The following ZNF623 variants were observed in gnomAD, a reference collection of about 807,000 sequenced individuals.
ZNF623 encodes zinc finger protein 623.
Under a neutral mutation model 24.0 loss-of-function variants are expected in ZNF623, and 16 were observed. The observed-to-expected ratio is 0.67, with a 90% CI of 0.45 to 1.01. The LOEUF (loss-of-function observed/expected upper bound fraction) is 1.01. Ranked by LOEUF, ZNF623 falls within the 50% of genes least tolerant of loss-of-function variation. ZNF623 has a pLI of 0.00. For missense variants in ZNF623, 566 were observed against 606.5 expected (o/e 0.93, Z 0.70); for synonymous variants, 224 against 219.8 (o/e 1.02, Z -0.17).
chr8:143,648,459 C>T lies in ZNF623; in HGVS notation c.-95-1439C>T, dbSNP rs189744851. Among the ~76,000 whole-genome samples the T allele has an allele frequency of 5.1e-3, 772 of 151,642 alleles. 5 individuals are homozygous for T. Among genetic ancestry groups the T allele is most frequent in the African/African-American group, 0.017 (719 of 41,328 alleles). The stretch of plus-strand genomic sequence containing the variant: ...GGAAGGAGGAAATGGAGAAATCGAG[C>T]GTGGGGTGGGGGCTCTTTGAATGGG... On this transcript the variant is annotated intron_variant, in intron 1 of 1. Transcript: ENST00000526926.
In ZNF623 at chr8:143,651,542, G is replaced by T. The variant is rs946078996; in HGVS notation, c.*59G>T. ...GGAAATGCGTGGAATTAGGATTCAT[G>T]TGGTTTCTAAGATTTGGACATGTCA... On this transcript the variant is annotated 3_prime_UTR_variant, in exon 2 of 2. Coordinates refer to ENST00000526926, the MANE Select transcript of ZNF623 (RefSeq NM_001261843.2). 2 of 1,519,000 alleles carry T rather than the reference G, an allele frequency of 1.3e-6. No individual in the cohort carries two copies. The highest frequency in any genetic ancestry group is 1.8e-6 in the Non-Finnish European group (2 of 1,134,988). The allele number at this position is 1,519,000 out of a possible 1,614,324, so 94.1% of individuals were successfully genotyped here.
At position 143,653,393 on chromosome 8, in the gene ZNF623, G is replaced by A. The variant is rs1815383877; in HGVS notation, c.*1910G>A. The A allele has an allele frequency of 6.0e-6, 1 of 167,066 alleles. No homozygotes were observed. Among genetic ancestry groups the A allele is most frequent in the Non-Finnish European group, 1.5e-5 (1 of 68,116 alleles). 10.3% of individuals were successfully genotyped at this position (167,066 alleles called of 1,614,324 possible). A position where few individuals can be genotyped will look rare whatever the true frequency, so the allele number is the denominator to read the frequency against. ...CAGCATTACTAGAGATGTTTCAAATGTAGATTTTACCAGACCATTTTAATC... is the reference window on the plus strand; with the variant it reads ...CAGCATTACTAGAGATGTTTCAAATATAGATTTTACCAGACCATTTTAATC... On this transcript the variant is annotated 3_prime_UTR_variant, in exon 2 of 2. Coordinates refer to ENST00000526926, the MANE Select transcript of ZNF623 (RefSeq NM_001261843.2).
At chr8:143,645,127 T>G (rs1214407439) in intron 1 of ZNF623, among the ~76,000 whole-genome samples, 2 of 84,756 alleles carry the variant, frequency 2.4e-5, no homozygotes, top group Non-Finnish European at 3.8e-5. Context: ...AAACTCCATC[T>G]CAAAAAAAAA....
At position 143,650,693 on chromosome 8, in the gene ZNF623, G is replaced by A. The variant is rs1815283283; in HGVS notation, c.701G>A (p.Arg234Lys). 3.7e-6 allele frequency: 6 copies of A among 1,613,954 alleles called. No homozygotes were observed. Among genetic ancestry groups the A allele is most frequent in the Non-Finnish European group, 5.1e-6 (6 of 1,180,010 alleles). Residue 234 changes from arginine (R) to lysine (K), a missense_variant, in exon 2 of 2, where the codon AGG becomes AAG. This residue lies in a region of ZNF623 where 313 missense variants were observed against 300.4 expected (regional missense o/e 1.04). Transcript: ENST00000526926. This position sits in a 1 kb window ranked among gnomAD's most constrained non-coding sequence, Gnocchi z 5.2. Reference protein sequence around the residue: ...ECNECGKSFIRSSSLIRHYQI... With the variant: ...ECNECGKSFIKSSSLIRHYQI... ...AATGAATGTGGGAAATCCTTCATAA[G>A]GAGCTCGAGCCTCATTCGCCATTAT...
In ZNF623 at chr8:143,651,477, CTT is replaced by C. The variant is rs779806400; in HGVS notation, c.1486_1487del (p.Leu496IlefsTer3). 3 of 1,558,336 alleles carry C rather than the reference CTT, an allele frequency of 1.9e-6. No homozygotes were observed. The African/African-American group carries it at 4.1e-5, about 22-fold the overall frequency. On this transcript the variant is annotated frameshift_variant, in exon 2 of 2. Transcript: ENST00000526926. LOFTEE classifies it high-confidence loss of function. Reference protein sequence around the residue: ...SVDKGEHTGNL With the variant: ...SVDKGEHTGNX ...TAGATAAGGGGGAACACACAGGTAA[CTT>C]ATAAAATAATTACTTTCCCGCCCAG...
chr8:143,642,560 C>A (rs10107353), intron 1 of ZNF623, among the ~76,000 whole-genome samples: 7 of 152,014 alleles, frequency 4.6e-5, no homozygotes, highest in Non-Finnish European at 8.8e-5. Context: ...TTAGACATGC[C>A]TTCCTCACAA....
Position 143,650,872 on chromosome 8 carries a change from C to CT in ZNF623, c.881dup (p.Ile295HisfsTer17). The CT allele has an allele frequency of 6.2e-7, 1 of 1,614,150 alleles. No homozygotes were observed. Among genetic ancestry groups the CT allele is most frequent in the Non-Finnish European group, 8.5e-7 (1 of 1,180,034 alleles). On this transcript the variant is annotated frameshift_variant, in exon 2 of 2. Transcript: ENST00000526926. LOFTEE classifies it high-confidence loss of function. This position sits in a 1 kb window ranked among gnomAD's most constrained non-coding sequence, Gnocchi z 5.2. ...GAAAGCCTTTATTCGGAGTTCAAAG[C>CT]TCATTCAGCATCAGAGGATCCATAC... is the stretch of plus-strand genomic sequence containing the variant.
At chr8:143,644,979 T>C (rs918223443) in intron 1 of ZNF623, among the ~76,000 whole-genome samples, 1 of 149,932 alleles carries the variant, frequency 6.7e-6, no homozygotes, top group African/African-American at 2.5e-5. Flanking sequence ...AAATACAAAA[T>C]TAGCTGGGTG....
rs772935911 is a variant in ZNF623 at position 143,651,007 on chromosome 8, G to A, written c.1015G>A (p.Glu339Lys). Residue 339 changes from glutamate to lysine, a missense_variant, in exon 2 of 2, where the codon GAG (glutamate) becomes AAG (lysine). Coordinates refer to ENST00000526926, the MANE Select transcript of ZNF623 (RefSeq NM_001261843.2). ...TGGAGAGAAACTCTATGAATGTAAC[G>A]AGTGTGGGAAAGCTTTCTTTCTGAG... is the stretch of plus-strand genomic sequence containing the variant. ...HTGEKLYECN[E>K]CGKAFFLSSY... 5.6e-6 allele frequency: 9 copies of A among 1,614,014 alleles called. No individual in the cohort carries two copies. Among genetic ancestry groups the A allele is most frequent in the African/African-American group, 2.7e-5 (2 of 74,904 alleles).
chr8:143,638,114 G>T (rs1308033224), intron 1 of ZNF623, among the ~76,000 whole-genome samples: 3 of 152,008 alleles, frequency 2.0e-5, no homozygotes, highest in South Asian at 2.1e-4. Context: ...CTCTAGAGGC[G>T]GGCAGATCAT....
intron 1 of ZNF623, 182 bp from the exon 2 acceptor site, chr8:143,649,716 C>A: frequency 1.5e-6 from 1 of 674,708 alleles, no homozygotes; most frequent in Non-Finnish European, 2.5e-6. Flanking sequence ...CACAAAGAAG[C>A]CATCTTATGT....
intron 1 of ZNF623, among the ~76,000 whole-genome samples, chr8:143,641,055 C>T (rs2131441587): frequency 6.7e-6 from 1 of 150,098 alleles, no homozygotes; most frequent in African/African-American, 2.4e-5. Flanking sequence ...ATCTAGCTCT[C>T]TTGCTATTTT....
At chr8:143,640,076 G>A (rs1026112140) in intron 1 of ZNF623, among the ~76,000 whole-genome samples, 6 of 152,184 alleles carry the variant, frequency 3.9e-5, no homozygotes, top group Non-Finnish European at 5.9e-5. Flanking sequence ...CCACACATGG[G>A]GATGTGCCAG....
chr8:143,650,391 C>T lies in ZNF623; in HGVS notation c.399C>T (p.His133=). The T allele has an allele frequency of 1.2e-6, 2 of 1,614,222 alleles. No homozygotes were observed. Among genetic ancestry groups the T allele is most frequent in the Non-Finnish European group, 1.7e-6 (2 of 1,180,044 alleles). The change falls in exon 2 of 2, where the codon CAC becomes CAT. Residue 133 remains histidine, a synonymous_variant. Transcript: ENST00000526926. The surrounding 1 kb of genome is among the most constrained non-coding windows in gnomAD (Gnocchi z 5.2). ...ACCTTATGGAGCATCAGAGAATTCACACTGGAGAGAGACTCTACGTCTGTA... is the reference window on the plus strand; with the variant it reads ...ACCTTATGGAGCATCAGAGAATTCATACTGGAGAGAGACTCTACGTCTGTA... ...SSHLMEHQRI[H]TGERLYVCNV...
At chr8:143,642,065 A>G (rs1159458305) in intron 1 of ZNF623, among the ~76,000 whole-genome samples, 1 of 152,234 alleles carries the variant, frequency 6.6e-6, no homozygotes, top group Non-Finnish European at 1.5e-5. Context: ...CCTAGATGCC[A>G]TCTTCTTCCA....
chr8:143,649,845 G>A (rs200818603), intron 1 of ZNF623, 53 bp from the exon 2 acceptor site: 5 of 1,570,900 alleles, frequency 3.2e-6, no homozygotes, highest in Non-Finnish European at 4.3e-6. Flanking sequence ...TGATTCAGGA[G>A]ATCCCCATCT....
intron 1 of ZNF623, among the ~76,000 whole-genome samples, chr8:143,648,869 G>C (rs1025011503): frequency 6.6e-6 from 1 of 152,026 alleles, no homozygotes; most frequent in Admixed American, 6.5e-5. Flanking sequence ...AGGGAGGAGG[G>C]AGTGCTGAGT....
rs1296404766 is a variant in ZNF623 at position 143,653,418 on chromosome 8, C to A, written c.*1935C>A. 6.0e-6 allele frequency: 1 copy of A among 167,018 alleles called. No individual in the cohort carries two copies. The highest frequency in any genetic ancestry group is 2.4e-5 in the African/African-American group (1 of 41,432). The allele number at this position is 167,018 out of a possible 1,614,324, so 10.3% of individuals were successfully genotyped here. ...GTAGATTTTACCAGACCATTTTAAT[C>A]AACTTTATTGAGATTCAATTTTCAT... On this transcript the variant is annotated 3_prime_UTR_variant, in exon 2 of 2. Transcript: ENST00000526926.
At chr8:143,644,227 AG>A (rs1815119998) in intron 1 of ZNF623, among the ~76,000 whole-genome samples, 2 of 152,170 alleles carry the variant, frequency 1.3e-5, no homozygotes, top group South Asian at 4.1e-4. Flanking sequence ...CACCATAGCC[AG>A]GCTGGTCTCG....
Sources: allele counts gnomAD v4.1 joint callset (sites outside exome capture counted in the v4.1 genomes callset), GRCh38; gene constraint gnomAD v4.1.1; regional missense constraint gnomAD v4.1.1; non-coding constraint Gnocchi (gnomAD v3.1); transcripts MANE v1.5; gene names NCBI Gene and HGNC (gene_info 2026-07-23, HGNC 2026-07-21).